The following CFAP300 variants were observed in gnomAD, a reference collection of about 807,000 sequenced individuals.
The protein encoded by CFAP300 is cilia- and flagella-associated protein 300.
Under a neutral mutation model 33.0 loss-of-function variants are expected in CFAP300, and 32 were observed. The observed-to-expected ratio is 0.97, with a 90% CI of 0.73 to 1.30. The LOEUF (loss-of-function observed/expected upper bound fraction) is 1.30. Ranked by LOEUF, CFAP300 falls within the 50% of genes most tolerant of loss-of-function variation. The pLI is 0.00. For missense variants in CFAP300, 356 were observed against 318.1 expected (o/e 1.12, Z -0.90); for synonymous variants, 102 against 106.8 (o/e 0.95, Z 0.28).
intron 4 of CFAP300, among the ~76,000 whole-genome samples, chr11:102,068,028 G>T (rs1490306590): frequency 1.3e-5 from 2 of 152,186 alleles, no homozygotes; most frequent in Non-Finnish European, 2.9e-5. Flanking sequence ...TCCAGTCTTT[G>T]TCACTTAGTA....
chr11:102,076,256 C>A, intron 5 of CFAP300: 1 of 440,410 alleles, frequency 2.3e-6, no homozygotes. Context: ...TCTCAGTCCC[C>A]TCATTCTTCA....
At chr11:102,081,861 A>C (rs1411025941) in intron 6 of CFAP300, among the ~76,000 whole-genome samples, 1 of 149,412 alleles carries the variant, frequency 6.7e-6, no homozygotes, top group Non-Finnish European at 1.5e-5. Context: ...ACTGCACTCC[A>C]GACTGGGCAA....
chr11:102,047,604 A>T, intron 1 of CFAP300, 24 bp downstream of exon 1: 1 of 1,530,054 alleles, frequency 6.5e-7, no homozygotes. Context: ...GCACAGGGAG[A>T]GAAGAGGCCC....
rs771830038 is a variant in CFAP300, at chr11:102,075,955, A to G, written c.518A>G (p.His173Arg). The G allele has an allele frequency of 1.3e-5, 21 of 1,613,970 alleles. No individual in the cohort carries two copies. Among genetic ancestry groups the G allele is most frequent in the Non-Finnish European group, 1.5e-5 (18 of 1,179,934 alleles). The change falls in exon 5 of 7, where the codon CAT (histidine) becomes CGT (arginine). Residue 173 changes from histidine to arginine, a missense_variant. His to Arg is a conservative substitution (Grantham distance 29, BLOSUM62 0). Transcript: ENST00000434758. ...REEFLFCLFK[H>R]LCLGGALCQY... ...GAGTTCCTGTTTTGTCTTTTCAAACATCTTTGCCTTGGTGGAGCCCTTTGT... is the reference window on the plus strand; with the variant it reads ...GAGTTCCTGTTTTGTCTTTTCAAACGTCTTTGCCTTGGTGGAGCCCTTTGT...
chr11:102,060,462 C>T (rs11225117), intron 3 of CFAP300, among the ~76,000 whole-genome samples: 6,295 of 151,644 alleles, frequency 0.042, 212 homozygotes, highest in Admixed American at 0.12. Flanking sequence ...ATTGAAAGAG[C>T]CAGAAATTTT....
At chr11:102,066,459 A>G (rs1481574918) in intron 3 of CFAP300, 26 bp from the exon 4 acceptor site, 12 of 1,524,292 alleles carry the variant, frequency 7.9e-6, no homozygotes, top group South Asian at 1.3e-5. Context: ...TTCTATCTCC[A>G]TTCTTTATAA....
intron 5 of CFAP300, among the ~76,000 whole-genome samples, chr11:102,076,559 C>T (rs887989594): frequency 2.6e-5 from 4 of 152,150 alleles, no homozygotes; most frequent in African/African-American, 9.7e-5. Flanking sequence ...GAATTAAAAC[C>T]TTACAAATTT....
chr11:102,074,621 A>AT (rs914180103), intron 4 of CFAP300, among the ~76,000 whole-genome samples: 2 of 147,144 alleles, frequency 1.4e-5, no homozygotes, highest in South Asian at 2.2e-4. Context: ...GTTTATATGT[A>AT]TTTTTTTTTC....
chr11:102,063,400 C>T (rs753473397), intron 3 of CFAP300, among the ~76,000 whole-genome samples: 1 of 152,194 alleles, frequency 6.6e-6, no homozygotes, highest in Non-Finnish European at 1.5e-5. Context: ...AAACACATAC[C>T]TTGTCCTTCT....
rs538930000 is a variant in CFAP300 at position 102,056,709 on chromosome 11, C to T, written c.193-2171C>T. Among the ~76,000 whole-genome samples, 142 of 152,126 alleles carry T rather than the reference C, an allele frequency of 9.3e-4. 5 individuals carry two copies. The South Asian group carries it at 0.028, about 30-fold the overall frequency. On this transcript the variant is annotated intron_variant, in intron 2 of 6. Coordinates refer to ENST00000434758, the MANE Select transcript of CFAP300 (RefSeq NM_032930.3). ...CACAATCTCAGCTCACTACAACCTC[C>T]ACCTCCCAGGTTCAAGCAATTCTCA...
At chr11:102,058,751 TCAGA>T in intron 2 of CFAP300, 125 bp from the exon 3 acceptor site, 1 of 611,804 alleles carries the variant, frequency 1.6e-6, no homozygotes, top group Non-Finnish European at 2.8e-6. Flanking sequence ...TCTTTATTAC[TCAGA>T]CATTTTACCA....
Position 102,066,493 on chromosome 11 carries a change from G to A in CFAP300, c.277G>A (p.Val93Met), listed in dbSNP as rs1305028328. Residue 93 changes from valine to methionine, a missense_variant, in exon 4 of 7, where the codon GTG (valine) becomes ATG (methionine). Transcript: ENST00000434758. ...AAAATATCTTTTTTCAGGAACTGAA[G>A]TGAAAAAAATTGAAGCTATAAATGT... ...SGQWIILGTEVKKIEAINVPC... is the reference protein window; with the variant it reads ...SGQWIILGTEMKKIEAINVPC... 1.9e-6 allele frequency: 3 copies of A among 1,584,832 alleles called. No individual in the cohort carries two copies. The highest frequency in any genetic ancestry group is 1.8e-5 in the Admixed American group (1 of 55,358).
chr11:102,076,940 G>GAT (rs1458029897), intron 5 of CFAP300, among the ~76,000 whole-genome samples: 4 of 152,136 alleles, frequency 2.6e-5, no homozygotes, highest in African/African-American at 9.7e-5. Context: ...ATTGGAAGAA[G>GAT]ATATGTTAGA....
At position 102,082,136 on chromosome 11, in the gene CFAP300, C is replaced by G. The variant is rs192965028; in HGVS notation, c.675+855C>G. Reference sequence around the variant, plus strand: ...CAGTGGCTCATGCCTGTAATCCCAGCACTTTGAGAGGGCAGATCACTTGAG... The same window carrying G: ...CAGTGGCTCATGCCTGTAATCCCAGGACTTTGAGAGGGCAGATCACTTGAG... On this transcript the variant is annotated intron_variant, in intron 6 of 6. Coordinates refer to ENST00000434758, the MANE Select transcript of CFAP300 (RefSeq NM_032930.3). Among the ~76,000 whole-genome samples the G allele has an allele frequency of 1.6e-3, 239 of 152,094 alleles. 1 individual carries two copies. The highest frequency in any genetic ancestry group is 5.6e-3 in the African/African-American group (233 of 41,498).
At chr11:102,057,595 G>A (rs185197867) in intron 2 of CFAP300, among the ~76,000 whole-genome samples, 1 of 152,248 alleles carries the variant, frequency 6.6e-6, no homozygotes, top group African/African-American at 2.4e-5. Flanking sequence ...AAACAACCAT[G>A]CAATTTGGGA....
chr11:102,055,028 TG>T (rs920454468), intron 2 of CFAP300, among the ~76,000 whole-genome samples: 2 of 151,114 alleles, frequency 1.3e-5, no homozygotes, highest in African/African-American at 4.9e-5. Context: ...TCGCCCAGGC[TG>T]GGGTGCAGTG....
chr11:102,069,288 C>T (rs1465838519), intron 4 of CFAP300, among the ~76,000 whole-genome samples: 1 of 152,136 alleles, frequency 6.6e-6, no homozygotes, highest in Non-Finnish European at 1.5e-5. Flanking sequence ...TCAGCCTGAA[C>T]TAAAAAGGGT....
intron 2 of CFAP300, chr11:102,057,922 A>G (rs1480287628): frequency 6.6e-6 from 1 of 152,298 alleles, no homozygotes; most frequent in Non-Finnish European, 1.5e-5. Flanking sequence ...CTTGATGTTT[A>G]TGGCCATACC....
chr11:102,075,262 T>C (rs1942379871), intron 4 of CFAP300, among the ~76,000 whole-genome samples: 2 of 152,148 alleles, frequency 1.3e-5, no homozygotes, highest in African/African-American at 4.8e-5. Context: ...CTACATCGGA[T>C]CTAGTTTTCT....
Sources: allele counts gnomAD v4.1 joint callset (sites outside exome capture counted in the v4.1 genomes callset), GRCh38; gene constraint gnomAD v4.1.1; transcripts MANE v1.5; gene names NCBI Gene and HGNC (gene_info 2026-07-23, HGNC 2026-07-21).